Variants in PDZRN3 observed in about 807,000 individuals in gnomAD.
PDZRN3 encodes the protein E3 ubiquitin-protein ligase PDZRN3.
In PDZRN3, 38 loss-of-function variants were observed where a neutral mutation model predicts 85.7. The ratio of observed to expected loss-of-function variants is 0.44; its 90% CI spans 0.34 to 0.58. PDZRN3 has a LOEUF of 0.58. PDZRN3 is among the 20% of genes least tolerant of loss of function. PDZRN3 has a pLI of 0.01. For synonymous variants in PDZRN3, 759 were observed against 638.0 expected (o/e 1.19, Z -2.86); for missense variants, 1,629 against 1,506.4 (o/e 1.08, Z -1.35).
chr3:73,418,372 T>G (rs1462783499), intron 3 of PDZRN3, among the ~76,000 whole-genome samples: 1 of 152,228 alleles, frequency 6.6e-6, no homozygotes, highest in Non-Finnish European at 1.5e-5. Flanking sequence ...GGTGAGTCCA[T>G]TGATACATGC....
At chr3:73,536,205 C>A (rs996542557) in intron 3 of PDZRN3, among the ~76,000 whole-genome samples, 5 of 152,178 alleles carry the variant, frequency 3.3e-5, no homozygotes, top group Admixed American at 3.3e-4. Context: ...TCCAAGGAAC[C>A]AACTGTGCAT....
chr3:73,390,654 T>TGTGTGTGTGAGA (rs36036904), intron 6 of PDZRN3, among the ~76,000 whole-genome samples: 7,054 of 139,902 alleles, frequency 0.05, 166 homozygotes, highest in African/African-American at 0.075. Context: ...TGTGTGTGTG[T>TGTGTGTGTGAGA]GAGAGAGAGA....
intron 3 of PDZRN3, among the ~76,000 whole-genome samples, chr3:73,480,273 C>T (rs1360503281): frequency 1.3e-5 from 2 of 152,158 alleles, no homozygotes; most frequent in African/African-American, 2.4e-5. Flanking sequence ...GAATTCAAAC[C>T]TCTCAGAGGT....
chr3:73,394,397 C>T (rs1331969780), intron 5 of PDZRN3, among the ~76,000 whole-genome samples: 1 of 152,044 alleles, frequency 6.6e-6, no homozygotes, highest in Non-Finnish European at 1.5e-5. Flanking sequence ...ATCATAAATC[C>T]TCTCAGAACA....
intron 7 of PDZRN3, among the ~76,000 whole-genome samples, chr3:73,389,449 A>G (rs1701474300): frequency 6.6e-6 from 1 of 152,214 alleles, no homozygotes; most frequent in South Asian, 2.1e-4. Context: ...TTTCAGAGAA[A>G]TCTAAAACGA....
intron 3 of PDZRN3, among the ~76,000 whole-genome samples, chr3:73,526,729 G>T (rs116108151): frequency 3.3e-5 from 5 of 152,086 alleles, no homozygotes; most frequent in Non-Finnish European, 7.4e-5. Context: ...AGTCTGTTGC[G>T]CAGGCTGGAG....
intron 3 of PDZRN3, among the ~76,000 whole-genome samples, chr3:73,482,558 ATC>A (rs2106638773): frequency 6.6e-6 from 1 of 152,290 alleles, no homozygotes; most frequent in African/African-American, 2.4e-5. Flanking sequence ...TTGTTTTTAA[ATC>A]TCTGACAGTC....
At chr3:73,458,734 G>C (rs550080316) in intron 3 of PDZRN3, among the ~76,000 whole-genome samples, 1 of 151,958 alleles carries the variant, frequency 6.6e-6, no homozygotes, top group Non-Finnish European at 1.5e-5. Context: ...GCTCACACCT[G>C]TAATCCCAGC....
chr3:73,517,726 T>G (rs75722593), intron 3 of PDZRN3, among the ~76,000 whole-genome samples: 10,593 of 152,298 alleles, frequency 0.07, 452 homozygotes, highest in Middle Eastern at 0.13. Flanking sequence ...CAAGACGATG[T>G]AGAGTTTCTG....
chr3:73,621,083 T>C (rs1007921437), intron 1 of PDZRN3, among the ~76,000 whole-genome samples: 1 of 152,224 alleles, frequency 6.6e-6, no homozygotes. Context: ...ATCAGGCCCC[T>C]GGCCAGCCCT....
At chr3:73,427,170 G>A (rs1340515986) in intron 3 of PDZRN3, among the ~76,000 whole-genome samples, 1 of 152,194 alleles carries the variant, frequency 6.6e-6, no homozygotes, top group Non-Finnish European at 1.5e-5. Context: ...TAGGCAAACA[G>A]GTCACTCTAG....
intron 3 of PDZRN3, among the ~76,000 whole-genome samples, chr3:73,520,373 G>T (rs112652590): frequency 6.6e-6 from 1 of 152,040 alleles, no homozygotes; most frequent in African/African-American, 2.4e-5. Context: ...GTGTGGTGGC[G>T]TGTGCCTGTG....
chr3:73,424,100 AAAATAT>A (rs1702257544), intron 3 of PDZRN3, among the ~76,000 whole-genome samples: 1 of 152,170 alleles, frequency 6.6e-6, no homozygotes, highest in African/African-American at 2.4e-5. Context: ...CTTTGGGAGG[AAAATAT>A]AAGTAAATAT....
In PDZRN3 at chr3:73,404,257, G is replaced by A. The variant is rs1701809876; in HGVS notation, c.1057C>T (p.Leu353=). ...TCGGTTTGGGTTCCCGTGTCCACCA[G>A]CTGAGACTCTGATGGAGGCGTGAAC... The part of the protein sequence containing the change: ...KMFTPPSESQ[L]VDTGTQTDIT... The change falls in exon 4 of 10, where the codon CTG becomes TTG. Residue 353 remains leucine, a synonymous_variant. Transcript: ENST00000263666. 1.9e-6 allele frequency: 3 copies of A among 1,614,138 alleles called. No homozygotes were observed. The highest frequency in any genetic ancestry group is 2.5e-6 in the Non-Finnish European group (3 of 1,180,024).
chr3:73,596,143 C>T lies in PDZRN3; in HGVS notation c.918+6211G>A, dbSNP rs115657343. On this transcript the variant is annotated intron_variant, in intron 3 of 9. Transcript: ENST00000263666. Reference sequence around the variant, plus strand: ...TGTCAAAATAACACAGGTTAAAAGCCTGAAAGAGCTCCATTGGGCCAAAAC... The same window carrying T: ...TGTCAAAATAACACAGGTTAAAAGCTTGAAAGAGCTCCATTGGGCCAAAAC... Among the ~76,000 whole-genome samples the T allele has an allele frequency of 4.7e-3, 709 of 152,196 alleles. 6 individuals are homozygous for T. Among genetic ancestry groups the T allele is most frequent in the African/African-American group, 0.015 (612 of 41,550 alleles).
At chr3:73,608,717 T>C (rs764193197) in intron 1 of PDZRN3, 33 bp from the exon 2 acceptor site, 39 of 1,333,438 alleles carry the variant, frequency 2.9e-5, no homozygotes, top group African/African-American at 4.3e-5. Flanking sequence ...AACTTTTATT[T>C]ACCAACAGGG....
chr3:73,483,963 A>C (rs1343283959), intron 3 of PDZRN3, among the ~76,000 whole-genome samples: 1 of 152,220 alleles, frequency 6.6e-6, no homozygotes, highest in Admixed American at 6.5e-5. Flanking sequence ...AGGTTTTAGA[A>C]AAATTTTAAT....
intron 3 of PDZRN3, among the ~76,000 whole-genome samples, chr3:73,566,048 AG>A (rs1701943870): frequency 6.6e-6 from 1 of 152,238 alleles, no homozygotes; most frequent in South Asian, 2.1e-4. Flanking sequence ...CAGAGCATTC[AG>A]GTAATTAGGA....
At position 73,391,086 on chromosome 3, in the gene PDZRN3, C is replaced by T. The variant is rs764225658; in HGVS notation, c.1285G>A (p.Asp429Asn). 11 of 1,613,732 alleles carry T rather than the reference C, an allele frequency of 6.8e-6. No homozygotes were observed. The highest frequency in any genetic ancestry group is 9.3e-6 in the Non-Finnish European group (11 of 1,179,758). The part of the protein sequence containing the change: ...EVDLYRMNSQ[D>N]KLGLTVCYRT... Reference sequence around the variant, plus strand: ...TAGCACACAGTGAGGCCCAGCTTGTCCTGGCTGTTCATTCTGTAGAGGTCC... The same window carrying T: ...TAGCACACAGTGAGGCCCAGCTTGTTCTGGCTGTTCATTCTGTAGAGGTCC... The change falls in exon 6 of 10, where the codon GAC (aspartate) becomes AAC (asparagine). Residue 429 changes from aspartate (D) to asparagine (N), a missense_variant. Coordinates refer to ENST00000263666, the MANE Select transcript of PDZRN3 (RefSeq NM_015009.3).
Sources: gnomAD v4.1 joint callset for allele counts (sites outside exome capture counted in the v4.1 genomes callset) on GRCh38, gnomAD v4.1.1 for gene constraint, MANE v1.5 for transcripts, NCBI Gene and HGNC (gene_info 2026-07-23, HGNC 2026-07-21) for gene names.